Variants in SLC9A9 observed in about 807,000 individuals in gnomAD.
SLC9A9 encodes the protein sodium/hydrogen exchanger 9.
SLC9A9 carries 62 observed loss-of-function variants against 77.8 expected under a neutral mutation model. That is an observed-to-expected ratio of 0.80 (90% CI 0.65 to 0.98). SLC9A9 has a LOEUF of 0.98. Among genes scored for constraint, SLC9A9 ranks in the 50% least tolerant of loss-of-function variants. The pLI, the probability that SLC9A9 is intolerant of heterozygous loss-of-function variation, is 0.00. For missense variants in SLC9A9, 775 were observed against 774.9 expected (o/e 1.00, Z 0.00); for synonymous variants, 320 against 283.5 (o/e 1.13, Z -1.29).
intron 5 of SLC9A9, among the ~76,000 whole-genome samples, chr3:143,659,925 T>G (rs1329550057): frequency 1.3e-5 from 2 of 152,164 alleles, no homozygotes; most frequent in African/African-American, 4.8e-5. Flanking sequence ...AGTGAGCAAG[T>G]CTCACGAGCT....
intron 14 of SLC9A9, among the ~76,000 whole-genome samples, chr3:143,319,183 A>T (rs1400272441): frequency 6.6e-6 from 1 of 152,186 alleles, no homozygotes; most frequent in East Asian, 1.9e-4. Context: ...GGTCCCTGGT[A>T]CCTGATTTGA....
At chr3:143,598,846 C>A (rs1391998284) in intron 6 of SLC9A9, among the ~76,000 whole-genome samples, 1 of 152,102 alleles carries the variant, frequency 6.6e-6, no homozygotes, top group Non-Finnish European at 1.5e-5. Context: ...TGGTAGGCAC[C>A]AATAAGGACA....
At chr3:143,655,720 C>T in intron 5 of SLC9A9, 1 of 607,436 alleles carries the variant, frequency 1.6e-6, no homozygotes. Flanking sequence ...ACAAACACAC[C>T]CCTACCTCTA....
rs187196519 is a variant in SLC9A9, at chr3:143,348,222, C to T, written c.1604+15262G>A. On this transcript the variant is annotated intron_variant, in intron 14 of 15. Transcript: ENST00000316549. Reference sequence around the variant, plus strand: ...ACCATGTTGCCAGGATGGTCTTGATCTCGACCTTGTGATCCACCCGCCTTG... The same window carrying T: ...ACCATGTTGCCAGGATGGTCTTGATTTCGACCTTGTGATCCACCCGCCTTG... Among the ~76,000 whole-genome samples the T allele has an allele frequency of 2.6e-3, 401 of 152,288 alleles. 1 individual carries two copies. The highest frequency in any genetic ancestry group is 9.3e-3 in the African/African-American group (388 of 41,544).
chr3:143,515,595 A>G (rs1259764099), intron 9 of SLC9A9, among the ~76,000 whole-genome samples: 2 of 152,138 alleles, frequency 1.3e-5, no homozygotes, highest in African/African-American at 4.8e-5. Flanking sequence ...ACCTTGCCAA[A>G]CATTTTTAAA....
intron 2 of SLC9A9, among the ~76,000 whole-genome samples, chr3:143,816,258 C>G (rs960311441): frequency 9.2e-5 from 14 of 152,144 alleles, no homozygotes; most frequent in Non-Finnish European, 1.5e-5. Context: ...GGCTGGAGTA[C>G]AGTGGTGTGG....
At chr3:143,813,110 T>C (rs1400149270) in intron 2 of SLC9A9, among the ~76,000 whole-genome samples, 1 of 152,148 alleles carries the variant, frequency 6.6e-6, no homozygotes, top group East Asian at 1.9e-4. Flanking sequence ...TTCTCGGTGC[T>C]GGTTTCATAT....
intron 4 of SLC9A9, among the ~76,000 whole-genome samples, chr3:143,722,591 A>G (rs1037561160): frequency 4.0e-5 from 6 of 151,386 alleles, no homozygotes; most frequent in African/African-American, 9.7e-5. Context: ...TGCGGAATTC[A>G]CGTTTGACTT....
At chr3:143,472,219 C>T (rs1288647237) in intron 11 of SLC9A9, among the ~76,000 whole-genome samples, 2 of 152,196 alleles carry the variant, frequency 1.3e-5, no homozygotes, top group Non-Finnish European at 2.9e-5. Context: ...CATGGTCCTA[C>T]AAACATGACT....
intron 13 of SLC9A9, among the ~76,000 whole-genome samples, chr3:143,365,746 G>T (rs1379409857): frequency 6.6e-6 from 1 of 152,158 alleles, no homozygotes; most frequent in Admixed American, 6.5e-5. Flanking sequence ...CCCAGCAAAG[G>T]TATCAGATTT....
chr3:143,832,489 T>C (rs2009462672), intron 1 of SLC9A9, among the ~76,000 whole-genome samples: 1 of 152,166 alleles, frequency 6.6e-6, no homozygotes, highest in Non-Finnish European at 1.5e-5. Flanking sequence ...AGAGAAAAGA[T>C]ACCTAACTCC....
In SLC9A9 at chr3:143,736,314, G is replaced by GT. The variant is rs542080102; in HGVS notation, c.534-43008dup. ...TGTTTATTTCTCTTCTAGAATGGGA[G>GT]TTTTCTAAAAGTAAGAACCATGTCC... On this transcript the variant is annotated intron_variant, in intron 4 of 15. Transcript: ENST00000316549. Among the ~76,000 whole-genome samples the GT allele has an allele frequency of 5.9e-5, 9 of 152,252 alleles. 1 individual carries two copies. In the South Asian group the frequency reaches 1.9e-3, roughly 32 times the overall value.
intron 4 of SLC9A9, among the ~76,000 whole-genome samples, chr3:143,722,993 T>A (rs956581394): frequency 1.3e-5 from 2 of 152,186 alleles, no homozygotes; most frequent in East Asian, 3.9e-4. Context: ...TATTTTTTTC[T>A]GTACAACTTT....
Position 143,266,567 on chromosome 3 carries a change from C to T in SLC9A9, c.*135G>A, listed in dbSNP as rs572475148. ...TTCAGGCACCAGAGGATCCATGTGA[C>T]AAGGCTTTGATTCTCTCCAATTTAT... On this transcript the variant is annotated 3_prime_UTR_variant, in exon 16 of 16. Coordinates refer to ENST00000316549, the MANE Select transcript of SLC9A9 (RefSeq NM_173653.4). 5.7e-5 allele frequency: 48 copies of T among 846,806 alleles called. No individual in the cohort carries two copies. The South Asian group carries it at 6.6e-4, about 12-fold the overall frequency. 52.5% of individuals were successfully genotyped at this position (846,806 alleles called of 1,614,324 possible). A position where few individuals can be genotyped will look rare whatever the true frequency, so the allele number is the denominator to read the frequency against.
intron 4 of SLC9A9, among the ~76,000 whole-genome samples, chr3:143,709,586 A>G (rs2108795256): frequency 6.6e-6 from 1 of 152,326 alleles, no homozygotes; most frequent in African/African-American, 2.4e-5. Context: ...CTTTGAATTC[A>G]CAAATGGAGC....
intron 12 of SLC9A9, among the ~76,000 whole-genome samples, chr3:143,415,591 T>C (rs10935492): frequency 0.27 from 41,004 of 152,000 alleles, 6,057 homozygotes; most frequent in Non-Finnish European, 0.34. Flanking sequence ...ACTATTGAGA[T>C]CTACTGCTCA....
chr3:143,558,198 T>C (rs920370133), intron 8 of SLC9A9, among the ~76,000 whole-genome samples: 4 of 152,134 alleles, frequency 2.6e-5, no homozygotes, highest in African/African-American at 4.8e-5. Context: ...AGAGGATGTA[T>C]GGAAATGCCT....
intron 7 of SLC9A9, among the ~76,000 whole-genome samples, chr3:143,574,472 C>T (rs2037322651): frequency 6.6e-6 from 1 of 152,168 alleles, no homozygotes; most frequent in African/African-American, 2.4e-5. Flanking sequence ...TCACTGTGGG[C>T]CTAGCCTCAT....
At chr3:143,493,547 A>G in intron 11 of SLC9A9, 106 bp downstream of exon 11, 1 of 939,672 alleles carries the variant, frequency 1.1e-6, no homozygotes, top group Non-Finnish European at 1.7e-6. Context: ...AATGGGATAA[A>G]GAGAAGTTGT....
Sources: allele counts gnomAD v4.1 joint callset (sites outside exome capture counted in the v4.1 genomes callset), GRCh38; gene constraint gnomAD v4.1.1; transcripts MANE v1.5; gene names NCBI Gene and HGNC (gene_info 2026-07-23, HGNC 2026-07-21).